Variants in CNTN4 observed in about 807,000 individuals in gnomAD.
CNTN4 encodes contactin 4.
CNTN4 carries 77 observed loss-of-function variants against 122.5 expected under a neutral mutation model. The observed-to-expected ratio is 0.63, with a 90% CI of 0.52 to 0.76. CNTN4 has a LOEUF of 0.76. Ranked by LOEUF, CNTN4 falls within the 30% of genes least tolerant of loss-of-function variation. The probability of loss-of-function intolerance (pLI) is 0.00; values close to 1 mark genes in which losing one functional copy is unlikely to be tolerated. For synonymous variants in CNTN4, 512 were observed against 447.0 expected (o/e 1.15, Z -1.83); for missense variants, 1,256 against 1,259.1 (o/e 1.00, Z 0.04).
intron 3 of CNTN4, among the ~76,000 whole-genome samples, chr3:2,474,562 C>T (rs534921342): frequency 6.6e-6 from 1 of 152,084 alleles, no homozygotes; most frequent in South Asian, 2.1e-4. Flanking sequence ...CTAAACCACA[C>T]AATGATGATG....
intron 4 of CNTN4, among the ~76,000 whole-genome samples, chr3:2,697,699 C>T (rs576314352): frequency 2.4e-4 from 37 of 151,956 alleles, no homozygotes; most frequent in African/African-American, 7.5e-4. Flanking sequence ...GCAACCGATA[C>T]GATGCATAGA....
intron 19 of CNTN4, chr3:3,039,710 C>T (rs1574899634): frequency 1.1e-5 from 4 of 360,594 alleles, no homozygotes; most frequent in East Asian, 6.7e-5. Flanking sequence ...TTAGAGGATA[C>T]GTGTTGGAAA....
chr3:2,800,063 A>C (rs1231231916), intron 6 of CNTN4, among the ~76,000 whole-genome samples: 2 of 143,082 alleles, frequency 1.4e-5, no homozygotes, highest in Non-Finnish European at 3.0e-5. Context: ...GAAGTTGGGT[A>C]ATGTGATGCC....
chr3:2,282,713 T>G (rs1171453078), intron 2 of CNTN4, among the ~76,000 whole-genome samples: 1 of 152,288 alleles, frequency 6.6e-6, no homozygotes, highest in Non-Finnish European at 1.5e-5. Flanking sequence ...ATAGCAGCAT[T>G]ATTTGTAATA....
chr3:2,492,362 G>T (rs1477561823), intron 3 of CNTN4, among the ~76,000 whole-genome samples: 10 of 152,114 alleles, frequency 6.6e-5, no homozygotes. Flanking sequence ...GCTTAGTCCT[G>T]CAGGCTTATC....
At chr3:2,358,570 GC>G (rs1454791842) in intron 3 of CNTN4, among the ~76,000 whole-genome samples, 8 of 151,886 alleles carry the variant, frequency 5.3e-5, no homozygotes, top group Non-Finnish European at 1.2e-4. Flanking sequence ...AGGAGGACAT[GC>G]TTTCCAGAAC....
chr3:3,001,218 T>C (rs1024646161), intron 14 of CNTN4, among the ~76,000 whole-genome samples: 1 of 152,156 alleles, frequency 6.6e-6, no homozygotes, highest in African/African-American at 2.4e-5. Flanking sequence ...GAACTCCAAA[T>C]TAAGCAGACT....
chr3:2,487,483 G>C (rs1025879528), intron 3 of CNTN4, among the ~76,000 whole-genome samples: 1 of 152,144 alleles, frequency 6.6e-6, no homozygotes, highest in African/African-American at 2.4e-5. Context: ...TTTGTTGCCA[G>C]GGGATTTAGA....
At position 3,053,954 on chromosome 3, in the gene CNTN4, A is replaced by G. The variant is rs767356486; in HGVS notation, c.2959A>G (p.Ile987Val). The change falls in exon 24 of 25, where the codon ATT becomes GTT. Residue 987 changes from isoleucine (I) to valine (V), a missense_variant. By Grantham distance (29) the Ile-to-Val change is conservative. Transcript: ENST00000418658. ...AGGAGATGGCAGCAGCAGTGAACAAATTCGAATTCCAAAGATATCAAGTGA... is the reference window on the plus strand; with the variant it reads ...AGGAGATGGCAGCAGCAGTGAACAAGTTCGAATTCCAAAGATATCAAGTGA... ...DGGDGSSSEQ[I>V]RIPKISNAYA... The G allele has an allele frequency of 1.9e-6, 3 of 1,614,206 alleles. No homozygotes were observed. In the Admixed American group the frequency reaches 5.0e-5, roughly 27 times the overall value.
chr3:2,782,807 C>T (rs2091658364), intron 6 of CNTN4, among the ~76,000 whole-genome samples: 1 of 152,024 alleles, frequency 6.6e-6, no homozygotes, highest in Admixed American at 6.6e-5. Context: ...ATCCTGGAGC[C>T]CTGTGGTGAG....
Position 2,489,023 on chromosome 3 carries a change from A to AT in CNTN4, c.-88-82387dup, listed in dbSNP as rs1420250476. The stretch of plus-strand genomic sequence containing the variant: ...AGAAACATGCTGCTTTCCATCAGAT[A>AT]TTTTTTCTGGCATCAAACCTCTGTT... On this transcript the variant is annotated intron_variant, in intron 3 of 24. Transcript: ENST00000418658. Among the ~76,000 whole-genome samples the AT allele has an allele frequency of 3.9e-5, 6 of 152,116 alleles. No homozygotes were observed. The East Asian group carries it at 7.7e-4, about 20-fold the overall frequency.
rs545704134 is a variant in CNTN4 at position 2,816,282 on chromosome 3, A to G, written c.359-3204A>G. On this transcript the variant is annotated intron_variant, in intron 6 of 24. Transcript: ENST00000418658. ...GGCAGGAGAATGGCGTGAACCCAGG[A>G]GGCAGAGCTTGCAATGAGCCGAGAT... Among the ~76,000 whole-genome samples the G allele has an allele frequency of 8.5e-3, 1,187 of 139,032 alleles. 80 individuals are homozygous for G. Among genetic ancestry groups the G allele is most frequent in the African/African-American group, 0.038 (1,127 of 29,314 alleles). The allele number at this position is 139,032 out of a possible 152,430, so 91.2% of individuals were successfully genotyped here. A position where few individuals can be genotyped will look rare whatever the true frequency, so the allele number is the denominator to read the frequency against.
In CNTN4 at chr3:2,601,723, T is replaced by G. The variant is rs189590437; in HGVS notation, c.55+30165T>G. On this transcript the variant is annotated intron_variant, in intron 4 of 24. Coordinates refer to ENST00000418658, the MANE Select transcript of CNTN4 (RefSeq NM_175607.3). ...TGGTTCCATCTGAACTTTAAAGTAG[T>G]TTTTTCCAATTCTGTGAAGAAAGTC... Among the ~76,000 whole-genome samples the G allele has an allele frequency of 8.4e-4, 128 of 152,242 alleles. 1 individual carries two copies. Among genetic ancestry groups the G allele is most frequent in the African/African-American group, 2.9e-3 (122 of 41,546 alleles).
intron 4 of CNTN4, among the ~76,000 whole-genome samples, chr3:2,617,153 A>G (rs980411663): frequency 1.3e-5 from 2 of 152,188 alleles, no homozygotes; most frequent in East Asian, 1.9e-4. Flanking sequence ...GATCTAATTA[A>G]ACTAAAGAGC....
intron 4 of CNTN4, among the ~76,000 whole-genome samples, chr3:2,618,165 T>C (rs2081847906): frequency 6.6e-6 from 1 of 152,044 alleles, no homozygotes; most frequent in South Asian, 2.1e-4. Context: ...AGAACCATCC[T>C]GGCACATAGA....
At chr3:2,444,421 A>G (rs2048547453) in intron 3 of CNTN4, among the ~76,000 whole-genome samples, 2 of 152,082 alleles carry the variant, frequency 1.3e-5, no homozygotes, top group Admixed American at 6.6e-5. Flanking sequence ...TCCTGGGAAG[A>G]TGGGCGAGAA....
At chr3:2,870,247 G>C (rs1465355311) in intron 8 of CNTN4, among the ~76,000 whole-genome samples, 2 of 152,192 alleles carry the variant, frequency 1.3e-5, no homozygotes, top group Admixed American at 1.3e-4. Flanking sequence ...TCTTCATAGA[G>C]ATGACAAATG....
At chr3:2,497,959 C>A (rs2151720564) in intron 3 of CNTN4, among the ~76,000 whole-genome samples, 1 of 152,156 alleles carries the variant, frequency 6.6e-6, no homozygotes, top group Non-Finnish European at 1.5e-5. Context: ...TTTTCTCTAC[C>A]TTTCCACCCA....
chr3:2,815,891 TG>T (rs2092715293), intron 6 of CNTN4, among the ~76,000 whole-genome samples: 1 of 147,958 alleles, frequency 6.8e-6, no homozygotes, highest in African/African-American at 2.6e-5. Flanking sequence ...TATATATATA[TG>T]ATGGAATACT....
Sources: allele counts gnomAD v4.1 joint callset (sites outside exome capture counted in the v4.1 genomes callset), GRCh38; gene constraint gnomAD v4.1.1; transcripts MANE v1.5; gene names NCBI Gene and HGNC (gene_info 2026-07-23, HGNC 2026-07-21).